Variants in ARSB observed in about 807,000 individuals in gnomAD.
The protein encoded by ARSB is arylsulfatase B.
A neutral mutation model predicts 50.9 loss-of-function variants in ARSB; 41 were observed. That is an observed-to-expected ratio of 0.81 (90% CI 0.63 to 1.04). The LOEUF is 1.04. Ranked by LOEUF, ARSB falls within the 50% of genes least tolerant of loss-of-function variation. ARSB has a pLI of 0.00. For missense variants in ARSB, 672 were observed against 693.3 expected (o/e 0.97, Z 0.35); for synonymous variants, 269 against 284.8 (o/e 0.94, Z 0.56).
intron 4 of ARSB, among the ~76,000 whole-genome samples, chr5:78,923,966 G>A (rs752881897): frequency 2.0e-5 from 3 of 152,116 alleles, no homozygotes; most frequent in Non-Finnish European, 4.4e-5. Context: ...CCTTTTCCAG[G>A]GGGTGCTGGG....
chr5:78,932,488 A>G (rs923369720), intron 4 of ARSB, among the ~76,000 whole-genome samples: 8 of 152,146 alleles, frequency 5.3e-5, no homozygotes, highest in Non-Finnish European at 8.8e-5. Context: ...TTCCAGCTCT[A>G]TCTTTCTAGA....
Position 78,780,676 on chromosome 5 carries a change from C to T in ARSB, c.1337-14G>A, listed in dbSNP as rs764359687. On this transcript the variant is annotated splice_polypyrimidine_tract_variant and intron_variant, in intron 7 of 7. Coordinates refer to ENST00000264914, the MANE Select transcript of ARSB (RefSeq NM_000046.5). ...AGTAACCACAGCCTAGCAAAGAAAACAAAACAGTTTACTGAGGGAGAAGCA... is the reference window on the plus strand; with the variant it reads ...AGTAACCACAGCCTAGCAAAGAAAATAAAACAGTTTACTGAGGGAGAAGCA... 1 of 1,613,780 alleles carries T rather than the reference C, an allele frequency of 6.2e-7. No individual in the cohort carries two copies. Among genetic ancestry groups the T allele is most frequent in the Non-Finnish European group, 8.5e-7 (1 of 1,179,934 alleles).
In ARSB at chr5:78,969,200, A is replaced by G. The variant is rs1409150780; in HGVS notation, c.313-8T>C. On this transcript the variant is annotated splice_region_variant and splice_polypyrimidine_tract_variant and intron_variant, in intron 1 of 7. Transcript: ENST00000264914. The stretch of plus-strand genomic sequence containing the variant: ...CTGTAAACCTGTACGGATCTTACAG[A>G]GATAAACATAAAATTATAGATTAAT... The G allele has an allele frequency of 6.2e-7, 1 of 1,613,890 alleles. No homozygotes were observed. Among genetic ancestry groups the G allele is most frequent in the Admixed American group, 1.7e-5 (1 of 60,020 alleles).
intron 4 of ARSB, among the ~76,000 whole-genome samples, chr5:78,923,014 G>A (rs1417488696): frequency 6.6e-6 from 1 of 152,174 alleles, no homozygotes; most frequent in Admixed American, 6.5e-5. Flanking sequence ...ATAAGGAAAC[G>A]CTTTTTGAAA....
At chr5:78,789,308 T>A (rs1419570123) in intron 6 of ARSB, among the ~76,000 whole-genome samples, 3 of 152,216 alleles carry the variant, frequency 2.0e-5, no homozygotes, top group Non-Finnish European at 4.4e-5. Context: ...AACTACATAA[T>A]GTTTAAACAA....
intron 5 of ARSB, among the ~76,000 whole-genome samples, chr5:78,841,162 C>CTAATAATAATAATAATAATAA (rs1427792909): frequency 0.01 from 994 of 97,536 alleles, 7 homozygotes; most frequent in South Asian, 0.019. Context: ...ACTACTACTA[C>CTAATAATAATAATAATAATAA]TACTACTAAT....
At position 78,924,695 on chromosome 5, in the gene ARSB, G is replaced by A. The variant is rs556082916; in HGVS notation, c.898+30600C>T. 1.3e-4 allele frequency among the ~76,000 whole-genome samples: 20 copies of A among 152,282 alleles called. 1 individual carries two copies. Among genetic ancestry groups the A allele is most frequent in the South Asian group, 1.0e-3 (5 of 4,822 alleles). ...AGTCCTCATGTATTCTTTGAGTTAC[G>A]ATTAAATCTAGGTTTATTACCAAGT... is the stretch of plus-strand genomic sequence containing the variant. On this transcript the variant is annotated intron_variant, in intron 4 of 7. Transcript: ENST00000264914.
chr5:78,857,425 T>C (rs1746206151), intron 5 of ARSB, among the ~76,000 whole-genome samples: 1 of 152,246 alleles, frequency 6.6e-6, no homozygotes, highest in African/African-American at 2.4e-5. Flanking sequence ...GCATGAGCTA[T>C]ACTGTCTTTA....
At chr5:78,965,879 G>C (rs1261381435) in intron 2 of ARSB, among the ~76,000 whole-genome samples, 1 of 151,918 alleles carries the variant, frequency 6.6e-6, no homozygotes, top group Non-Finnish European at 1.5e-5. Flanking sequence ...TAATACTTTG[G>C]TCTTAAAATA....
At chr5:78,860,234 C>T (rs1746366103) in intron 5 of ARSB, among the ~76,000 whole-genome samples, 3 of 152,072 alleles carry the variant, frequency 2.0e-5, no homozygotes, top group African/African-American at 7.2e-5. Flanking sequence ...GTTAAAGTCT[C>T]CCATTATTAT....
At chr5:78,898,709 T>C (rs1225126274) in intron 4 of ARSB, among the ~76,000 whole-genome samples, 1 of 152,216 alleles carries the variant, frequency 6.6e-6, no homozygotes, top group Non-Finnish European at 1.5e-5. Context: ...GAGGGCTGCA[T>C]TCCCTTCTGG....
chr5:78,942,110 T>C (rs1202826774), intron 4 of ARSB, among the ~76,000 whole-genome samples: 6 of 152,244 alleles, frequency 3.9e-5, no homozygotes, highest in Non-Finnish European at 7.3e-5. Flanking sequence ...TTTGTATTTC[T>C]GTGGGATCAG....
intron 5 of ARSB, among the ~76,000 whole-genome samples, chr5:78,874,561 A>C (rs1342596908): frequency 3.3e-5 from 5 of 152,148 alleles, no homozygotes. Context: ...GATAAAATAT[A>C]AATTTTTCTA....
chr5:78,786,431 A>G (rs537069302), intron 6 of ARSB, among the ~76,000 whole-genome samples: 2 of 152,266 alleles, frequency 1.3e-5, no homozygotes, highest in African/African-American at 4.8e-5. Flanking sequence ...TTCTTTGTTT[A>G]TACTTTTTGG....
At chr5:78,888,346 T>C (rs1580004219) in intron 4 of ARSB, among the ~76,000 whole-genome samples, 1 of 152,172 alleles carries the variant, frequency 6.6e-6, no homozygotes, top group Non-Finnish European at 1.5e-5. Context: ...CTGCACAGAG[T>C]AGCAATCACT....
At chr5:78,984,325 G>A (rs1190732272) in intron 1 of ARSB, among the ~76,000 whole-genome samples, 1 of 152,184 alleles carries the variant, frequency 6.6e-6, no homozygotes, top group African/African-American at 2.4e-5. Context: ...CGTTCCTAAA[G>A]GGAAGCTTTT....
intron 4 of ARSB, among the ~76,000 whole-genome samples, chr5:78,894,099 G>T (rs547007504): frequency 6.6e-6 from 1 of 152,330 alleles, no homozygotes; most frequent in South Asian, 2.1e-4. Flanking sequence ...GAGAAGTAAT[G>T]AATGAGAAAA....
chr5:78,978,792 C>A lies in ARSB; in HGVS notation c.312+6145G>T, dbSNP rs372125647. 1.6e-4 allele frequency among the ~76,000 whole-genome samples: 25 copies of A among 152,300 alleles called. No individual in the cohort carries two copies. In the South Asian group the frequency reaches 5.0e-3, roughly 30 times the overall value. On this transcript the variant is annotated intron_variant, in intron 1 of 7. Coordinates refer to ENST00000264914, the MANE Select transcript of ARSB (RefSeq NM_000046.5). ...TAGCACTGAAATATTTGGACACCTA[C>A]ATGCATCCACATACCTCAAATTGTA...
chr5:78,940,607 T>C (rs1750863653), intron 4 of ARSB, among the ~76,000 whole-genome samples: 1 of 152,248 alleles, frequency 6.6e-6, no homozygotes, highest in African/African-American at 2.4e-5. Context: ...ATATGTGGCA[T>C]TATTTCTGAG....
Sources: allele counts gnomAD v4.1 joint callset (sites outside exome capture counted in the v4.1 genomes callset), GRCh38; gene constraint gnomAD v4.1.1; transcripts MANE v1.5; gene names NCBI Gene and HGNC (gene_info 2026-07-23, HGNC 2026-07-21).